Variants in RGS17 observed in about 807,000 individuals in gnomAD.
The protein encoded by RGS17 is regulator of G protein signaling 17.
A neutral mutation model predicts 25.5 loss-of-function variants in RGS17; 12 were observed. The ratio of observed to expected loss-of-function variants is 0.47; its 90% CI spans 0.30 to 0.76. The LOEUF (loss-of-function observed/expected upper bound fraction) is 0.76. RGS17 is among the 30% of genes least tolerant of loss of function. The pLI is 0.07. For missense variants in RGS17, 196 were observed against 242.2 expected (o/e 0.81, Z 1.27); for synonymous variants, 71 against 76.9 (o/e 0.92, Z 0.40).
At chr6:153,023,017 C>T (rs972918238) in intron 4 of RGS17, among the ~76,000 whole-genome samples, 5 of 152,054 alleles carry the variant, frequency 3.3e-5, no homozygotes, top group Non-Finnish European at 7.4e-5. Context: ...TAGAAGGTTT[C>T]TCATTTTGTA....
Position 153,053,962 on chromosome 6 carries a change from TATA to T in RGS17, c.-25-9922_-25-9920del, listed in dbSNP as rs1776501394. ...ATATATAATATATATACATATATAT[TATA>T]TACATATATATGTATATATGTATAT... On this transcript the variant is annotated intron_variant, in intron 1 of 4. Coordinates refer to ENST00000206262, the MANE Select transcript of RGS17 (RefSeq NM_012419.5). 9.0e-4 allele frequency among the ~76,000 whole-genome samples: 14 copies of T among 15,502 alleles called. 1 individual carries two copies. In the African/African-American group the frequency reaches 0.024, roughly 27 times the overall value. 10.2% of individuals were successfully genotyped at this position (15,502 alleles called of 152,430 possible).
chr6:153,122,278 C>T (rs1384535571), intron 1 of RGS17, among the ~76,000 whole-genome samples: 1 of 152,094 alleles, frequency 6.6e-6, no homozygotes, highest in Middle Eastern at 3.2e-3. Flanking sequence ...CATACATTGA[C>T]ACATAAAATC....
At chr6:153,115,119 T>C (rs1407368895) in intron 1 of RGS17, among the ~76,000 whole-genome samples, 1 of 152,196 alleles carries the variant, frequency 6.6e-6, no homozygotes, top group Non-Finnish European at 1.5e-5. Context: ...GATATTCATA[T>C]AGGGAGAGAG....
At chr6:153,055,542 G>A (rs1025295442) in intron 1 of RGS17, among the ~76,000 whole-genome samples, 1 of 151,248 alleles carries the variant, frequency 6.6e-6, no homozygotes, top group Admixed American at 6.7e-5. Flanking sequence ...GGACATACCT[G>A]TGCACAAAAC....
At chr6:153,054,736 G>C (rs1776531253) in intron 1 of RGS17, among the ~76,000 whole-genome samples, 1 of 126,064 alleles carries the variant, frequency 7.9e-6, no homozygotes, top group African/African-American at 3.3e-5. Context: ...CTTTCAACCG[G>C]CTTAAAAAAA....
chr6:153,046,512 TAATAA>T (rs1239394113), intron 1 of RGS17, among the ~76,000 whole-genome samples: 1 of 151,600 alleles, frequency 6.6e-6, no homozygotes, highest in African/African-American at 2.4e-5. Context: ...TAAAAATAAA[TAATAA>T]AATAAAATAA....
chr6:153,121,038 T>A (rs993254434), intron 1 of RGS17, among the ~76,000 whole-genome samples: 3 of 152,124 alleles, frequency 2.0e-5, no homozygotes, highest in Non-Finnish European at 4.4e-5. Flanking sequence ...CTCTTTATTC[T>A]TTAGGCTCCC....
At chr6:153,022,728 C>T (rs1435226040) in intron 4 of RGS17, among the ~76,000 whole-genome samples, 3 of 152,038 alleles carry the variant, frequency 2.0e-5, no homozygotes, top group African/African-American at 7.2e-5. Context: ...TAAAAATTAG[C>T]ATAAAATTAT....
intron 4 of RGS17, among the ~76,000 whole-genome samples, chr6:153,017,570 C>A (rs1779197496): frequency 6.6e-6 from 1 of 151,976 alleles, no homozygotes; most frequent in Non-Finnish European, 1.5e-5. Context: ...TTTCACCCTG[C>A]CTTTTTATTC....
intron 1 of RGS17, among the ~76,000 whole-genome samples, chr6:153,116,957 G>A (rs1196417866): frequency 1.3e-5 from 2 of 152,110 alleles, no homozygotes; most frequent in African/African-American, 2.4e-5. Context: ...GTAGCATTAG[G>A]AGAAATACCT....
At chr6:153,128,207 C>T (rs1420564413) in intron 1 of RGS17, among the ~76,000 whole-genome samples, 1 of 152,240 alleles carries the variant, frequency 6.6e-6, no homozygotes, top group Admixed American at 6.5e-5. Flanking sequence ...CTCCACAATG[C>T]ATTCACACTT....
chr6:153,100,690 T>C lies in RGS17; in HGVS notation c.-26+30434A>G, dbSNP rs1242255775. Among the ~76,000 whole-genome samples the C allele has an allele frequency of 3.9e-5, 6 of 152,224 alleles. 1 individual carries two copies. The highest frequency in any genetic ancestry group is 8.8e-5 in the Non-Finnish European group (6 of 68,038). On this transcript the variant is annotated intron_variant, in intron 1 of 4. Coordinates refer to ENST00000206262, the MANE Select transcript of RGS17 (RefSeq NM_012419.5). ...GTCTACCAGGTAAATGTTCTCTCCA[T>C]TTTAGAAGTCGTTAAATCAAGTTTA...
At chr6:153,059,454 C>G (rs997109853) in intron 1 of RGS17, among the ~76,000 whole-genome samples, 1 of 152,142 alleles carries the variant, frequency 6.6e-6, no homozygotes, top group Non-Finnish European at 1.5e-5. Flanking sequence ...TGACTATGCC[C>G]TTTAGGGGGT....
chr6:153,044,434 T>C (rs1192767613), intron 1 of RGS17, among the ~76,000 whole-genome samples: 1 of 152,218 alleles, frequency 6.6e-6, no homozygotes, highest in Non-Finnish European at 1.5e-5. Flanking sequence ...TTTCCACTAA[T>C]GTTTACAGTA....
intron 1 of RGS17, among the ~76,000 whole-genome samples, chr6:153,054,051 G>GTATATATAT (rs1354796229): frequency 1.8e-5 from 1 of 54,612 alleles, no homozygotes; most frequent in African/African-American, 8.8e-5. Context: ...ATGTATATAT[G>GTATATATAT]TATATAATAT....
At chr6:153,099,972 T>C (rs1479785731) in intron 1 of RGS17, among the ~76,000 whole-genome samples, 1 of 152,210 alleles carries the variant, frequency 6.6e-6, no homozygotes, top group Non-Finnish European at 1.5e-5. Flanking sequence ...AAGATGCTAC[T>C]AGTTCCCAAA....
intron 1 of RGS17, among the ~76,000 whole-genome samples, chr6:153,111,360 C>T (rs2129125426): frequency 6.6e-6 from 1 of 152,314 alleles, no homozygotes; most frequent in Admixed American, 6.5e-5. Flanking sequence ...CACAGCTCTG[C>T]CAGGCCGCTG....
In RGS17 at chr6:153,011,676, C is replaced by G. The variant is rs1183205097; in HGVS notation, c.531G>C (p.Gln177His). The G allele has an allele frequency of 6.2e-7, 1 of 1,611,728 alleles. No homozygotes were observed. Among genetic ancestry groups the G allele is most frequent in the Non-Finnish European group, 8.5e-7 (1 of 1,178,102 alleles). The change falls in exon 5 of 5, where the codon CAG becomes CAC. Residue 177 changes from glutamine (Q) to histidine (H), a missense_variant. By Grantham distance (24) the Gln-to-His change is conservative (BLOSUM62 0). Transcript: ENST00000206262. ...AATCTCTGTGCATTAAAGTATATATCTGAAGTTGGGCATCTTCATACATGT... is the reference window on the plus strand; with the variant it reads ...AATCTCTGTGCATTAAAGTATATATGTGAAGTTGGGCATCTTCATACATGT... ...NPHMYEDAQL[Q>H]IYTLMHRDSF...
intron 1 of RGS17, among the ~76,000 whole-genome samples, chr6:153,123,582 T>C (rs904243137): frequency 1.3e-5 from 2 of 152,188 alleles, no homozygotes; most frequent in Admixed American, 1.3e-4. Flanking sequence ...CAAGTTGATA[T>C]TGGAGATGGT....
Sources: gnomAD v4.1 joint callset for allele counts (sites outside exome capture counted in the v4.1 genomes callset) on GRCh38, gnomAD v4.1.1 for gene constraint, MANE v1.5 for transcripts, NCBI Gene and HGNC (gene_info 2026-07-23, HGNC 2026-07-21) for gene names.